UBAC2: variants seen among roughly 807,000 people sequenced by gnomAD.
UBAC2 encodes ubiquitin-associated domain-containing protein 2.
A neutral mutation model predicts 44.0 loss-of-function variants in UBAC2; 26 were observed. The observed-to-expected ratio is 0.59, with a 90% CI of 0.43 to 0.82. The LOEUF (loss-of-function observed/expected upper bound fraction) is 0.82, where lower values mean the gene tolerates loss of function less well. Among genes scored for constraint, UBAC2 ranks in the 40% least tolerant of loss-of-function variants. The pLI is 0.00. For missense variants in UBAC2, 329 were observed against 419.4 expected (o/e 0.78, Z 1.88); for synonymous variants, 155 against 154.3 (o/e 1.00, Z -0.04).
chr13:99,346,815 AC>A (rs547697285), intron 7 of UBAC2, among the ~76,000 whole-genome samples: 157 of 152,134 alleles, frequency 1.0e-3, no homozygotes, highest in African/African-American at 3.7e-3. Flanking sequence ...CCCTTTCTCC[AC>A]CAGTGTGTCT....
chr13:99,242,369 G>C (rs866314352), intron 2 of UBAC2, among the ~76,000 whole-genome samples: 1 of 142,604 alleles, frequency 7.0e-6, no homozygotes, highest in Non-Finnish European at 1.6e-5. Flanking sequence ...GCGGCTGTCC[G>C]GGCAGAGGGG....
intron 4 of UBAC2, among the ~76,000 whole-genome samples, chr13:99,271,283 A>G (rs1206290505): frequency 1.3e-5 from 2 of 152,210 alleles, no homozygotes; most frequent in African/African-American, 4.8e-5. Flanking sequence ...AAATCAGGTA[A>G]TATTTGAGCA....
At chr13:99,335,762 G>A (rs559556397) in intron 6 of UBAC2, among the ~76,000 whole-genome samples, 52 of 152,272 alleles carry the variant, frequency 3.4e-4, no homozygotes, top group African/African-American at 1.1e-3. Flanking sequence ...CTCTCATGCA[G>A]GGCTGCAGTG....
intron 4 of UBAC2, among the ~76,000 whole-genome samples, chr13:99,268,390 A>G (rs1347548177): frequency 1.3e-5 from 2 of 152,100 alleles, no homozygotes; most frequent in Non-Finnish European, 2.9e-5. Context: ...AGGCAGGCAG[A>G]TCGTTTGAGT....
chr13:99,385,829 G>A lies in UBAC2; in HGVS notation c.*494G>A, dbSNP rs376092952. On this transcript the variant is annotated 3_prime_UTR_variant, in exon 9 of 9. Transcript: ENST00000403766. ...TCTCCTGGGAGTGAGGGAGAAACAG[G>A]GAGCTGAATCCTCCCCCAAGCTGTT... The A allele has an allele frequency of 2.4e-3, 380 of 160,722 alleles. 3 individuals carry two copies. Among genetic ancestry groups the A allele is most frequent in the South Asian group, 0.01 (59 of 5,784 alleles). 10.0% of individuals were successfully genotyped at this position (160,722 alleles called of 1,614,324 possible).
chr13:99,268,631 A>AAG (rs1555325447), intron 4 of UBAC2, among the ~76,000 whole-genome samples: 2 of 130,182 alleles, frequency 1.5e-5, no homozygotes, highest in African/African-American at 5.5e-5. Context: ...AAAAAAAAAA[A>AAG]AAAGAAACAC....
chr13:99,314,060 C>G lies in UBAC2; in HGVS notation c.390-37C>G, dbSNP rs1288512229. 3 of 1,555,980 alleles carry G rather than the reference C, an allele frequency of 1.9e-6. No individual in the cohort carries two copies. The East Asian group carries it at 6.9e-5, about 36-fold the overall frequency. ...ACATCTGCCATTTGTGTTTAAAATT[C>G]ACTATTATAGTGATTTTTTTTTATT... On this transcript the variant is annotated intron_variant, in intron 4 of 8. Coordinates refer to ENST00000403766, the MANE Select transcript of UBAC2 (RefSeq NM_001144072.2).
In UBAC2 at chr13:99,338,039, C is replaced by CTTTTTTCTTTTTTTT. The variant is rs1566509471; in HGVS notation, c.562-2275_562-2274insCTTTTTTTTTTTTTT. On this transcript the variant is annotated intron_variant, in intron 6 of 8. Coordinates refer to ENST00000403766, the MANE Select transcript of UBAC2 (RefSeq NM_001144072.2). Reference sequence around the variant, plus strand: ...GCAAAAAAATCTCCTAACTTTTTTTCTTTTTTTCTTTTTTTTTTTTTTTTT... The same window carrying CTTTTTTCTTTTTTTT: ...GCAAAAAAATCTCCTAACTTTTTTTCTTTTTTCTTTTTTTTTTTTTTTCTTTTTTTTTTTTTTTTT... 9.5e-4 allele frequency among the ~76,000 whole-genome samples: 87 copies of CTTTTTTCTTTTTTTT among 91,512 alleles called. 3 individuals are homozygous for CTTTTTTCTTTTTTTT. Among genetic ancestry groups the CTTTTTTCTTTTTTTT allele is most frequent in the African/African-American group, 1.4e-3 (28 of 19,850 alleles). The allele number at this position is 91,512 out of a possible 152,430, so 60.0% of individuals were successfully genotyped here. A position where few individuals can be genotyped will look rare whatever the true frequency, so the allele number is the denominator to read the frequency against.
intron 4 of UBAC2, among the ~76,000 whole-genome samples, chr13:99,280,833 C>G (rs111828813): frequency 1.0e-5 from 1 of 98,164 alleles, no homozygotes; most frequent in Non-Finnish European, 2.2e-5. Flanking sequence ...TTCTTTCCCT[C>G]TCTCTCTCTC....
chr13:99,278,136 A>G (rs994165436), intron 4 of UBAC2, among the ~76,000 whole-genome samples: 16 of 152,240 alleles, frequency 1.1e-4, no homozygotes, highest in Non-Finnish European at 1.9e-4. Flanking sequence ...TGTGATGGTG[A>G]CACCAACATT....
intron 4 of UBAC2, among the ~76,000 whole-genome samples, chr13:99,288,889 C>CT (rs1160510621): frequency 6.6e-6 from 1 of 152,138 alleles, no homozygotes; most frequent in Non-Finnish European, 1.5e-5. Context: ...GGAGCACTGT[C>CT]TATGTTCAGG....
chr13:99,296,190 T>C (rs1364151409), intron 4 of UBAC2: 1 of 1,518,880 alleles, frequency 6.6e-7, no homozygotes, highest in Admixed American at 2.2e-5. Context: ...AAGGATCATA[T>C]AAGTAAAAGC....
At chr13:99,351,823 C>G (rs1158350472) in intron 7 of UBAC2, 1 of 454,902 alleles carries the variant, frequency 2.2e-6, no homozygotes, top group Non-Finnish European at 4.4e-6. Context: ...TTAACTGCCT[C>G]CTCATCTCAT....
chr13:99,234,171 CTTTTTTTTTTTTT>C (rs773370310), intron 1 of UBAC2, among the ~76,000 whole-genome samples: 17 of 61,682 alleles, frequency 2.8e-4, no homozygotes, highest in African/African-American at 8.2e-4. Context: ...CTAGCCGTTT[CTTTTTTTTTTTTT>C]TTTTTTTTTT....
intron 4 of UBAC2, among the ~76,000 whole-genome samples, chr13:99,248,358 T>C (rs1475643480): frequency 6.6e-6 from 1 of 151,524 alleles, no homozygotes; most frequent in African/African-American, 2.4e-5. Flanking sequence ...TGAGTAGCTG[T>C]GACTATAGAT....
intron 1 of UBAC2, among the ~76,000 whole-genome samples, chr13:99,217,189 A>G (rs1405312865): frequency 6.6e-6 from 1 of 152,068 alleles, no homozygotes; most frequent in Non-Finnish European, 1.5e-5. Context: ...CTTGTTCCCC[A>G]CTTCAGCTAG....
intron 7 of UBAC2, among the ~76,000 whole-genome samples, chr13:99,347,328 C>CA (rs1555331235): frequency 2.4e-5 from 2 of 83,756 alleles, no homozygotes; most frequent in East Asian, 3.9e-4. Flanking sequence ...CGCCCCCCCC[C>CA]CCCCCCAGGA....
At chr13:99,300,649 G>C (rs937470534) in intron 4 of UBAC2, among the ~76,000 whole-genome samples, 1 of 152,160 alleles carries the variant, frequency 6.6e-6, no homozygotes. Context: ...GGTTTTTAGT[G>C]CCTCCATGTG....
In UBAC2 at chr13:99,322,861, G is replaced by A. The variant is rs114934223; in HGVS notation, c.561+4792G>A. On this transcript the variant is annotated intron_variant, in intron 6 of 8. Coordinates refer to ENST00000403766, the MANE Select transcript of UBAC2 (RefSeq NM_001144072.2). ...CATAGGACAGGGGTAGGGAAAATGA[G>A]CCATCTGGAGGGAGTCAAGACAGCG... Among the ~76,000 whole-genome samples the A allele has an allele frequency of 6.3e-3, 957 of 152,276 alleles. 7 individuals carry two copies. The highest frequency in any genetic ancestry group is 0.022 in the African/African-American group (928 of 41,554).
Sources: gnomAD v4.1 joint callset for allele counts (sites outside exome capture counted in the v4.1 genomes callset) on GRCh38, gnomAD v4.1.1 for gene constraint, MANE v1.5 for transcripts, NCBI Gene and HGNC (gene_info 2026-07-23, HGNC 2026-07-21) for gene names.